The following ADAMTSL1 variants were observed in gnomAD, a reference collection of about 807,000 sequenced individuals.
The protein encoded by ADAMTSL1 is ADAMTS-like protein 1.
ADAMTSL1 carries 126 observed loss-of-function variants against 201.8 expected under a neutral mutation model. That is an observed-to-expected ratio of 0.62 (90% CI 0.54 to 0.72). The LOEUF is 0.72. ADAMTSL1 is among the 30% of genes least tolerant of loss of function. The pLI is 0.00. For missense variants in ADAMTSL1, 2,679 were observed against 2,277.8 expected, an observed-to-expected ratio of 1.18 and a Z score of -3.59; for synonymous variants, 1,121 against 903.4, an observed-to-expected ratio of 1.24 and a Z score of -4.32.
chr9:18,666,836 C>A (rs1829465651), intron 9 of ADAMTSL1, among the ~76,000 whole-genome samples: 1 of 152,026 alleles, frequency 6.6e-6, no homozygotes, highest in South Asian at 2.1e-4. Flanking sequence ...AAATATACAA[C>A]ATTTAGCCTT....
chr9:18,430,062 T>C (rs1263271778), intron 2 of ADAMTSL1, among the ~76,000 whole-genome samples: 1 of 152,152 alleles, frequency 6.6e-6, no homozygotes, highest in Non-Finnish European at 1.5e-5. Context: ...AGTGCTGGGA[T>C]TGCAGGCATG....
At chr9:18,537,599 A>G (rs1436383132) in intron 3 of ADAMTSL1, among the ~76,000 whole-genome samples, 1 of 152,166 alleles carries the variant, frequency 6.6e-6, no homozygotes, top group Non-Finnish European at 1.5e-5. Flanking sequence ...GCCAGGCACC[A>G]TGGCTCACAC....
chr9:18,336,993 A>G (rs958719404), intron 2 of ADAMTSL1, among the ~76,000 whole-genome samples: 3 of 152,050 alleles, frequency 2.0e-5, no homozygotes, highest in Admixed American at 6.6e-5. Flanking sequence ...GGTTACTGTG[A>G]TGGTTAACAT....
chr9:18,293,387 G>A (rs1833349209), intron 2 of ADAMTSL1, among the ~76,000 whole-genome samples: 1 of 152,166 alleles, frequency 6.6e-6, no homozygotes, highest in Admixed American at 6.5e-5. Context: ...ACTTCTACAA[G>A]GAGGCATATG....
rs542247824 is a variant in ADAMTSL1 at position 18,619,509 on chromosome 9, C to T, written c.475-2734C>T. 5.1e-4 allele frequency among the ~76,000 whole-genome samples: 78 copies of T among 152,200 alleles called. 1 individual carries two copies. The Middle Eastern group carries it at 0.01, about 20-fold the overall frequency. On this transcript the variant is annotated intron_variant, in intron 4 of 28. Transcript: ENST00000380548. ...CTGACTTGGTTCATATCCTGGGGTC[C>T]GTAAACCCACACTGATAGCACTAAG... is the stretch of plus-strand genomic sequence containing the variant.
At chr9:18,256,724 A>C (rs925086878) in intron 2 of ADAMTSL1, among the ~76,000 whole-genome samples, 2 of 152,198 alleles carry the variant, frequency 1.3e-5, no homozygotes, top group African/African-American at 4.8e-5. Context: ...CATTATTTAC[A>C]TGTGAACCAG....
intron 1 of ADAMTSL1, among the ~76,000 whole-genome samples, chr9:18,107,809 T>A (rs1024542975): frequency 6.6e-6 from 1 of 152,148 alleles, no homozygotes; most frequent in Non-Finnish European, 1.5e-5. Flanking sequence ...GGCAGGTATA[T>A]AACCTGGTAC....
chr9:18,833,095 G>A (rs941517515), intron 23 of ADAMTSL1, among the ~76,000 whole-genome samples: 3 of 152,158 alleles, frequency 2.0e-5, no homozygotes, highest in African/African-American at 7.2e-5. Context: ...TCTCCAAAGG[G>A]AATGTTGCCT....
At chr9:18,810,211 T>C (rs535067580) in intron 20 of ADAMTSL1, among the ~76,000 whole-genome samples, 1 of 152,184 alleles carries the variant, frequency 6.6e-6, no homozygotes, top group African/African-American at 2.4e-5. Context: ...TAATCTCAAA[T>C]GTATGGAATA....
intron 20 of ADAMTSL1, among the ~76,000 whole-genome samples, chr9:18,803,152 T>C (rs1393246785): frequency 6.6e-6 from 1 of 152,228 alleles, no homozygotes; most frequent in African/African-American, 2.4e-5. Context: ...TACAGTCTCA[T>C]CAAGATGTCA....
chr9:18,527,494 G>T (rs1197977224), intron 2 of ADAMTSL1, among the ~76,000 whole-genome samples: 3 of 152,118 alleles, frequency 2.0e-5, no homozygotes, highest in African/African-American at 7.2e-5. Flanking sequence ...TTTTTAAAAA[G>T]GCTTATATGA....
At chr9:17,949,866 A>G (rs1255202594) in intron 1 of ADAMTSL1, among the ~76,000 whole-genome samples, 4 of 152,148 alleles carry the variant, frequency 2.6e-5, no homozygotes, top group African/African-American at 9.7e-5. Flanking sequence ...CTTTGATTTG[A>G]CAGCAAAAGA....
intron 2 of ADAMTSL1, among the ~76,000 whole-genome samples, chr9:18,197,395 A>G (rs1237668644): frequency 2.9e-5 from 4 of 137,334 alleles, no homozygotes. Flanking sequence ...GGTCCTTCAC[A>G]TCCCTTGTAA....
chr9:18,164,369 C>T (rs1157619553), intron 2 of ADAMTSL1, among the ~76,000 whole-genome samples: 1 of 151,748 alleles, frequency 6.6e-6, no homozygotes, highest in Non-Finnish European at 1.5e-5. Flanking sequence ...CCACTGTCTT[C>T]CAATCCTGGC....
chr9:18,580,558 T>C (rs1823031614), intron 4 of ADAMTSL1, among the ~76,000 whole-genome samples: 1 of 152,198 alleles, frequency 6.6e-6, no homozygotes, highest in South Asian at 2.1e-4. Context: ...ATAGTAAAGA[T>C]AAAACTAACT....
chr9:18,089,143 A>G, intron 1 of ADAMTSL1, among the ~76,000 whole-genome samples: 1 of 152,054 alleles, frequency 6.6e-6, no homozygotes, highest in East Asian at 1.9e-4. Context: ...CAGGAGCGAA[A>G]CTCTGTCTCA....
chr9:18,402,020 A>C (rs1221522660), intron 2 of ADAMTSL1, among the ~76,000 whole-genome samples: 1 of 152,218 alleles, frequency 6.6e-6, no homozygotes, highest in Non-Finnish European at 1.5e-5. Context: ...CTTGTGAGCT[A>C]TCTGGTGATA....
intron 3 of ADAMTSL1, among the ~76,000 whole-genome samples, chr9:18,550,937 G>A (rs1820765138): frequency 6.6e-6 from 1 of 151,786 alleles, no homozygotes; most frequent in Non-Finnish European, 1.5e-5. Context: ...ACATTTTTTG[G>A]AAATGCAAGT....
At chr9:18,894,462 G>GAAGGTATTGA (rs1563897565) in intron 26 of ADAMTSL1, among the ~76,000 whole-genome samples, 1 of 150,830 alleles carries the variant, frequency 6.6e-6, no homozygotes, top group Non-Finnish European at 1.5e-5. Flanking sequence ...TGATGAGAAT[G>GAAGGTATTGA]AAGGTATTGA....
Sources: allele counts gnomAD v4.1 joint callset (sites outside exome capture counted in the v4.1 genomes callset), GRCh38; gene constraint gnomAD v4.1.1; transcripts MANE v1.5; gene names NCBI Gene and HGNC (gene_info 2026-07-23, HGNC 2026-07-21).